CD8B2: variants seen among roughly 807,000 people sequenced by gnomAD.
CD8B2 encodes the protein CD8B family member 2.
Under a neutral mutation model 23.7 loss-of-function variants are expected in CD8B2, and 11 were observed. That is an observed-to-expected ratio of 0.46 (90% CI 0.29 to 0.77). CD8B2 has a LOEUF of 0.77. Among genes scored for constraint, CD8B2 ranks in the 30% least tolerant of loss-of-function variants. The pLI, the probability that CD8B2 is intolerant of heterozygous loss-of-function variation, is 0.09. For synonymous variants in CD8B2, 90 were observed against 109.3 expected (o/e 0.82, Z 1.10); for missense variants, 197 against 270.5 (o/e 0.73, Z 1.91).
chr2:106,531,077 AC>A (rs1422957405), intron 5 of CD8B2, among the ~76,000 whole-genome samples: 1 of 152,146 alleles, frequency 6.6e-6, no homozygotes, highest in Non-Finnish European at 1.5e-5. Context: ...CTTTCACTTT[AC>A]CCTACTGACT....
Position 106,491,074 on chromosome 2 carries a change from G to C in CD8B2, c.244G>C (p.Gly82Arg). Residue 82 changes from glycine to arginine, a missense_variant, in exon 2 of 6, where the codon GGT becomes CGT. Coordinates refer to ENST00000643224, the MANE Select transcript of CD8B2 (RefSeq NM_001349727.2). ...GGATTCCGCAAAAGGGACTATCCAC[G>C]GTGAAGAGGTGGAACAGGAGAAGAT... is the stretch of plus-strand genomic sequence containing the variant. ...LWDSAKGTIH[G>R]EEVEQEKIAV... The C allele has an allele frequency of 6.2e-7, 1 of 1,613,900 alleles. No individual in the cohort carries two copies. The highest frequency in any genetic ancestry group is 8.5e-7 in the Non-Finnish European group (1 of 1,179,776).
At chr2:106,537,542 C>T (rs886276903) in intron 5 of CD8B2, among the ~76,000 whole-genome samples, 6 of 152,154 alleles carry the variant, frequency 3.9e-5, no homozygotes, top group Admixed American at 6.5e-5. Context: ...CACACTTGCA[C>T]AGATTTCTCA....
chr2:106,539,263 A>G (rs1230105242), intron 5 of CD8B2, among the ~76,000 whole-genome samples: 2 of 152,218 alleles, frequency 1.3e-5, no homozygotes, highest in Non-Finnish European at 2.9e-5. Flanking sequence ...CTGTGTCTCC[A>G]GCAGGTATCA....
chr2:106,497,447 C>T (rs1284807772), intron 3 of CD8B2, among the ~76,000 whole-genome samples: 6 of 152,202 alleles, frequency 3.9e-5, no homozygotes, highest in Non-Finnish European at 7.3e-5. Flanking sequence ...CCCATGCACA[C>T]GCTTTCCTTA....
At chr2:106,520,923 AAGGAG>A (rs1159375850) in intron 5 of CD8B2, among the ~76,000 whole-genome samples, 8 of 121,948 alleles carry the variant, frequency 6.6e-5, no homozygotes, top group African/African-American at 2.4e-4. Flanking sequence ...AAGAAAGAGA[AAGGAG>A]TTAAGAGTGG....
At chr2:106,514,127 A>T (rs371459774), downstream of CD8B2, among the ~76,000 whole-genome samples, 33 of 135,458 alleles carry the variant, frequency 2.4e-4, no homozygotes, top group African/African-American at 9.0e-4. Context: ...ATCTTCCTCC[A>T]TCGAAAGTCT....
intron 5 of CD8B2, among the ~76,000 whole-genome samples, chr2:106,522,939 G>A (rs186774439): frequency 2.0e-5 from 3 of 152,078 alleles, no homozygotes; most frequent in Non-Finnish European, 4.4e-5. Flanking sequence ...CTGCACCCAG[G>A]AACTTAGAGA....
intron 2 of CD8B2, among the ~76,000 whole-genome samples, chr2:106,491,894 C>A (rs1679204096): frequency 1.3e-5 from 2 of 152,114 alleles, no homozygotes; most frequent in African/African-American, 4.8e-5. Flanking sequence ...GTCCTTCAGG[C>A]CACATCAGGG....
chr2:106,536,243 G>T (rs904906259), intron 5 of CD8B2, among the ~76,000 whole-genome samples: 2 of 151,978 alleles, frequency 1.3e-5, no homozygotes, highest in African/African-American at 2.4e-5. Flanking sequence ...TGTTGGTCAG[G>T]CTGGTCTCGA....
chr2:106,531,165 C>T (rs1162577915), intron 5 of CD8B2, among the ~76,000 whole-genome samples: 1 of 152,194 alleles, frequency 6.6e-6, no homozygotes, highest in Non-Finnish European at 1.5e-5. Context: ...CCTGTAACAA[C>T]ATCTAAAGGA....
Position 106,487,473 on chromosome 2 carries a change from A to T in CD8B2, c.43+4A>T. 1 of 1,244,444 alleles carries T rather than the reference A, an allele frequency of 8.0e-7. No individual in the cohort carries two copies. The highest frequency in any genetic ancestry group is 1.0e-6 in the Non-Finnish European group (1 of 995,426). The allele number at this position is 1,244,444 out of a possible 1,614,324, so 77.1% of individuals were successfully genotyped here. A position where few individuals can be genotyped will look rare whatever the true frequency, so the allele number is the denominator to read the frequency against. ...CTCCTGGCCGCGCAGCTGACAGGTAAGGCGGCGGCGCGCGGGCTGCCCAAG... is the reference window on the plus strand; with the variant it reads ...CTCCTGGCCGCGCAGCTGACAGGTATGGCGGCGGCGCGCGGGCTGCCCAAG... On this transcript the variant is annotated splice_donor_region_variant and intron_variant, in intron 1 of 5. Coordinates refer to ENST00000643224, the MANE Select transcript of CD8B2 (RefSeq NM_001349727.2).
rs1250256135 is a variant in CD8B2 at position 106,504,291 on chromosome 2, C to T, written c.586C>T (p.Arg196Trp). The T allele has an allele frequency of 1.7e-5, 26 of 1,555,944 alleles. No individual in the cohort carries two copies. Among genetic ancestry groups the T allele is most frequent in the Middle Eastern group, 1.7e-4 (1 of 5,896 alleles). Residue 196 changes from arginine (R) to tryptophan (W), a missense_variant and splice_region_variant, in exon 5 of 6, where the codon CGG becomes TGG. Around this residue, in one of 3 missense-constraint regions of CD8B2, gnomAD observed 22 missense variants for 23.4 expected, o/e 0.94. Coordinates refer to ENST00000643224, the MANE Select transcript of CD8B2 (RefSeq NM_001349727.2). ...GCGCCCTTGCTTTCCTCTTCCAGGC[C>T]GGCGGAGGAGAGCCCGGCTTCGTTT... Reference protein sequence around the residue: ...SLGVAMHLCCRRRRARLRFMK... With the variant: ...SLGVAMHLCCWRRRARLRFMK...
At chr2:106,515,168 C>G (rs1056042782), downstream of CD8B2, among the ~76,000 whole-genome samples, 13 of 152,358 alleles carry the variant, frequency 8.5e-5, no homozygotes, top group African/African-American at 2.9e-4. Flanking sequence ...ATCACAGCAC[C>G]TCTGCTTTCT....
chr2:106,511,746 G>A (rs1348050188), downstream of CD8B2, among the ~76,000 whole-genome samples: 1 of 152,120 alleles, frequency 6.6e-6, no homozygotes, highest in East Asian at 1.9e-4. Flanking sequence ...TCGCTTCTTG[G>A]GAAACCTCCT....
At chr2:106,511,671 C>T (rs2104563596), downstream of CD8B2, among the ~76,000 whole-genome samples, 1 of 152,256 alleles carries the variant, frequency 6.6e-6, no homozygotes, top group East Asian at 1.9e-4. Flanking sequence ...GAATCTACCA[C>T]CCAGTCAAAG....
downstream of CD8B2, among the ~76,000 whole-genome samples, chr2:106,513,051 C>A (rs56330711): frequency 6.2e-3 from 945 of 152,158 alleles, 9 homozygotes; most frequent in African/African-American, 0.021. Context: ...TAGGCCCCCA[C>A]AAGCTGAGAG....
chr2:106,495,381 A>T (rs1679279605), intron 2 of CD8B2, among the ~76,000 whole-genome samples: 1 of 151,884 alleles, frequency 6.6e-6, no homozygotes, highest in Non-Finnish European at 1.5e-5. Context: ...AATTAGACGA[A>T]TGCAGTGGCA....
intron 5 of CD8B2, among the ~76,000 whole-genome samples, chr2:106,519,616 C>T (rs780377683): frequency 7.2e-5 from 11 of 152,312 alleles, no homozygotes; most frequent in Middle Eastern, 3.4e-3. Flanking sequence ...TACACCCCAA[C>T]GCTGAGACCC....
chr2:106,507,640 T>C lies in CD8B2; in HGVS notation c.*700T>C. ...TATACAAATGTCTTAGTTGTACAAA[T>C]AAAGTCCCAGGTTAAAGATAACAAA... is the stretch of plus-strand genomic sequence containing the variant. On this transcript the variant is annotated 3_prime_UTR_variant, in exon 6 of 6. Transcript: ENST00000643224. 1 of 962,994 alleles carries C rather than the reference T, an allele frequency of 1.0e-6. No homozygotes were observed. Among genetic ancestry groups the C allele is most frequent in the South Asian group, 4.8e-5 (1 of 20,814 alleles). 59.7% of individuals were successfully genotyped at this position (962,994 alleles called of 1,614,324 possible). A position where few individuals can be genotyped will look rare whatever the true frequency, so the allele number is the denominator to read the frequency against.
Sources: allele counts gnomAD v4.1 joint callset (sites outside exome capture counted in the v4.1 genomes callset), GRCh38; gene constraint gnomAD v4.1.1; regional missense constraint gnomAD v4.1.1; transcripts MANE v1.5; gene names NCBI Gene and HGNC (gene_info 2026-07-23, HGNC 2026-07-21).